Variants in CYB5B observed in about 807,000 individuals in gnomAD.
The protein encoded by CYB5B is cytochrome b5 type B (outer mitochondrial membrane).
Under a neutral mutation model 21.3 loss-of-function variants are expected in CYB5B, and 14 were observed. The observed-to-expected ratio is 0.66, with a 90% confidence interval of 0.43 to 1.03. The LOEUF is 1.03. Ranked by LOEUF, CYB5B falls within the 50% of genes least tolerant of loss-of-function variation. The pLI is 0.00. For missense variants in CYB5B, 166 were observed against 185.1 expected (o/e 0.90, Z 0.60); for synonymous variants, 69 against 68.4 (o/e 1.01, Z -0.04).
chr16:69,439,504 C>T (rs563473388), intron 1 of CYB5B, among the ~76,000 whole-genome samples: 33 of 152,042 alleles, frequency 2.2e-4, no homozygotes, highest in South Asian at 8.3e-4. Flanking sequence ...CCACCACGCC[C>T]GGCCTGTTTC....
chr16:69,462,317 T>C (rs1476394241), intron 4 of CYB5B, 113 bp from the exon 5 acceptor site: 1 of 795,916 alleles, frequency 1.3e-6, no homozygotes, highest in Non-Finnish European at 2.1e-6. Context: ...CAGTTAAATT[T>C]CCCAAAGTAA....
At chr16:69,430,321 A>G (rs921909885) in intron 1 of CYB5B, among the ~76,000 whole-genome samples, 3 of 152,040 alleles carry the variant, frequency 2.0e-5, no homozygotes, top group Non-Finnish European at 2.9e-5. Flanking sequence ...GGCTCAAACA[A>G]TCCTCCGCCT....
chr16:69,439,149 G>C (rs533354285), intron 1 of CYB5B, among the ~76,000 whole-genome samples: 3 of 152,094 alleles, frequency 2.0e-5, no homozygotes, highest in Non-Finnish European at 4.4e-5. Context: ...AATATGGTGT[G>C]GGGTAGGGGT....
intron 1 of CYB5B, among the ~76,000 whole-genome samples, chr16:69,426,121 C>T (rs545656896): frequency 2.0e-5 from 3 of 152,272 alleles, no homozygotes; most frequent in South Asian, 4.1e-4. Flanking sequence ...GCTTTCCGGT[C>T]GGGCGCGGTG....
chr16:69,433,006 CG>C (rs1219733217), intron 1 of CYB5B, among the ~76,000 whole-genome samples: 8 of 152,086 alleles, frequency 5.3e-5, no homozygotes, highest in African/African-American at 1.9e-4. Flanking sequence ...CCGTGTTGGC[CG>C]GGCTGGTCTC....
At chr16:69,440,080 GC>G (rs2014804421) in intron 1 of CYB5B, among the ~76,000 whole-genome samples, 3 of 150,398 alleles carry the variant, frequency 2.0e-5, no homozygotes, top group Non-Finnish European at 4.4e-5. Context: ...TTGCTGTGTT[GC>G]CCAGGCTGGT....
At chr16:69,436,104 G>A (rs72797181) in intron 1 of CYB5B, among the ~76,000 whole-genome samples, 25 of 152,270 alleles carry the variant, frequency 1.6e-4, no homozygotes, top group East Asian at 1.9e-4. Context: ...CATTTTGCCC[G>A]GGGGCATGGC....
chr16:69,440,729 A>G (rs1203340474), intron 1 of CYB5B, among the ~76,000 whole-genome samples: 20 of 84,928 alleles, frequency 2.4e-4, no homozygotes, highest in Admixed American at 2.2e-3. Context: ...TAATGCTGCT[A>G]TGGCCGTGTG....
chr16:69,450,233 A>C lies in CYB5B; in HGVS notation c.333+2089A>C, dbSNP rs1417215386. 3 of 147,728 alleles carry C rather than the reference A, an allele frequency of 2.0e-5. No homozygotes were observed. In the South Asian group the frequency reaches 6.4e-4, roughly 31 times the overall value. 9.2% of individuals were successfully genotyped at this position (147,728 alleles called of 1,614,324 possible). ...TGACCCCATCTCAAAAAAAAAAAAA[A>C]AAAAAAACCCAAAAAACTATTGAGC... is the stretch of plus-strand genomic sequence containing the variant. On this transcript the variant is annotated intron_variant, in intron 3 of 4. Coordinates refer to ENST00000307892, the MANE Select transcript of CYB5B (RefSeq NM_030579.3).
intron 3 of CYB5B, among the ~76,000 whole-genome samples, chr16:69,455,686 T>A (rs1365835565): frequency 6.6e-6 from 1 of 152,108 alleles, no homozygotes; most frequent in Non-Finnish European, 1.5e-5. Flanking sequence ...TGCCTGGGAT[T>A]ACAGGCATGA....
chr16:69,460,633 A>G (rs1347878892), intron 4 of CYB5B, among the ~76,000 whole-genome samples: 1 of 152,166 alleles, frequency 6.6e-6, no homozygotes. Context: ...ATTTGATAGG[A>G]TGACTTAACT....
chr16:69,439,070 GT>G (rs1472154277), intron 1 of CYB5B, among the ~76,000 whole-genome samples: 3 of 152,070 alleles, frequency 2.0e-5, no homozygotes, highest in African/African-American at 7.2e-5. Flanking sequence ...TTCTCTAAGA[GT>G]TTTATGATTT....
chr16:69,448,394 T>C (rs1353154883), intron 3 of CYB5B: 5 of 480,784 alleles, frequency 1.0e-5, no homozygotes, highest in Admixed American at 7.9e-5. Context: ...TCCAAAGCTA[T>C]GCCCTGTGTG....
intron 1 of CYB5B, among the ~76,000 whole-genome samples, chr16:69,441,400 C>T (rs1318417287): frequency 2.0e-5 from 3 of 152,102 alleles, no homozygotes; most frequent in Non-Finnish European, 4.4e-5. Context: ...GTGATCCGCC[C>T]GCCTCAGCCT....
At chr16:69,428,206 C>T (rs79401256) in intron 1 of CYB5B, among the ~76,000 whole-genome samples, 1 of 152,222 alleles carries the variant, frequency 6.6e-6, no homozygotes, top group Non-Finnish European at 1.5e-5. Context: ...ATTTATTAAG[C>T]CTTTACTATG....
chr16:69,429,596 G>T (rs1477094318), intron 1 of CYB5B, among the ~76,000 whole-genome samples: 3 of 152,206 alleles, frequency 2.0e-5, no homozygotes, highest in Non-Finnish European at 4.4e-5. Context: ...GAGGAGACCA[G>T]TTAGGAGGCT....
chr16:69,453,991 G>A (rs1456486884), intron 3 of CYB5B, among the ~76,000 whole-genome samples: 1 of 152,198 alleles, frequency 6.6e-6, no homozygotes, highest in Admixed American at 6.5e-5. Context: ...AAGGACTAAT[G>A]TCTTCTATTG....
In CYB5B at chr16:69,462,800, C is replaced by G. The variant is rs2015048968; in HGVS notation, c.*280C>G. On this transcript the variant is annotated 3_prime_UTR_variant, in exon 5 of 5. Transcript: ENST00000307892. ...GAGTACCCTTATATTTCACAACTTT[C>G]TGTTCATAAGTTATAGTGACATTGC... 2 of 346,992 alleles carry G rather than the reference C, an allele frequency of 5.8e-6. No homozygotes were observed. Among genetic ancestry groups the G allele is most frequent in the African/African-American group, 4.1e-5 (2 of 49,076 alleles). The allele number at this position is 346,992 out of a possible 1,614,324, so 21.5% of individuals were successfully genotyped here.
At chr16:69,433,140 G>A (rs935107203) in intron 1 of CYB5B, among the ~76,000 whole-genome samples, 5 of 152,190 alleles carry the variant, frequency 3.3e-5, no homozygotes, top group Non-Finnish European at 5.9e-5. Flanking sequence ...CTGCCTCAAT[G>A]TTTTTCATGG....
Sources: gnomAD v4.1 joint callset for allele counts (sites outside exome capture counted in the v4.1 genomes callset) on GRCh38, gnomAD v4.1.1 for gene constraint, MANE v1.5 for transcripts, NCBI Gene and HGNC (gene_info 2026-07-23, HGNC 2026-07-21) for gene names.